Variants in MOB1B observed in about 807,000 individuals in gnomAD.
MOB1B encodes MOB1 Mps One Binder homolog B.
A neutral mutation model predicts 24.4 loss-of-function variants in MOB1B; 19 were observed. That is an observed-to-expected ratio of 0.78 (90% CI 0.54 to 1.14). The LOEUF (loss-of-function observed/expected upper bound fraction) is 1.14, where lower values mean the gene tolerates loss of function less well. Ranked by LOEUF, MOB1B falls within the 50% of genes most tolerant of loss-of-function variation. The probability of loss-of-function intolerance (pLI) is 0.00; values close to 1 mark genes in which losing one functional copy is unlikely to be tolerated. For synonymous variants in MOB1B, 76 were observed against 82.1 expected (o/e 0.93, Z 0.40); for missense variants, 243 against 259.6 (o/e 0.94, Z 0.44).
chr4:70,901,956 C>T (rs1010989983), upstream of MOB1B, among the ~76,000 whole-genome samples: 1 of 152,152 alleles, frequency 6.6e-6, no homozygotes, highest in Admixed American at 6.5e-5. Context: ...TACCTTTCAC[C>T]GCCCTTGGCC....
Position 70,987,089 on chromosome 4 carries a change from T to TAC in MOB1B, c.*5041_*5042dup, listed in dbSNP as rs906056810. 4.6e-5 allele frequency: 7 copies of TAC among 152,270 alleles called. No individual in the cohort carries two copies. Among genetic ancestry groups the TAC allele is most frequent in the African/African-American group, 1.2e-4 (5 of 41,582 alleles). 9.4% of individuals were successfully genotyped at this position (152,270 alleles called of 1,614,324 possible). ...GCTGTATGTTTTTCCACTGTGCGTG[T>TAC]ACACACACACTGGAAAATAATTAGG... On this transcript the variant is annotated 3_prime_UTR_variant, in exon 6 of 6. Coordinates refer to ENST00000309395, the MANE Select transcript of MOB1B (RefSeq NM_173468.4).
chr4:70,906,369 C>T (rs553012478), intron 1 of MOB1B, among the ~76,000 whole-genome samples: 6 of 151,880 alleles, frequency 4.0e-5, no homozygotes, highest in East Asian at 1.9e-4. Flanking sequence ...AGAGTGAGAC[C>T]GTCTCAAAAA....
intron 1 of MOB1B, among the ~76,000 whole-genome samples, chr4:70,955,593 C>G (rs1205197485): frequency 2.7e-5 from 4 of 150,662 alleles, no homozygotes; most frequent in Non-Finnish European, 5.9e-5. Context: ...GCCTCAGCCT[C>G]CAGAGTAGCT....
chr4:70,909,467 C>T (rs924354432), intron 1 of MOB1B, among the ~76,000 whole-genome samples: 2 of 152,030 alleles, frequency 1.3e-5, no homozygotes, highest in African/African-American at 2.4e-5. Flanking sequence ...TGTGCCAGTA[C>T]ACTCTAGCCT....
intron 1 of MOB1B, among the ~76,000 whole-genome samples, chr4:70,912,338 G>A (rs1578344307): frequency 1.3e-5 from 2 of 151,162 alleles, no homozygotes; most frequent in Non-Finnish European, 1.5e-5. Flanking sequence ...GGAGTGCAGT[G>A]GTGCGATCTC....
At chr4:70,904,051 C>T (rs1053845002) in intron 1 of MOB1B, among the ~76,000 whole-genome samples, 5 of 126,838 alleles carry the variant, frequency 3.9e-5, no homozygotes, top group Non-Finnish European at 7.8e-5. Context: ...GGCGTGATCT[C>T]GGCTCACTGC....
intron 4 of MOB1B, 142 bp downstream of exon 4, chr4:70,975,428 G>A (rs1016792589): frequency 1.5e-6 from 2 of 1,351,870 alleles, no homozygotes; most frequent in African/African-American, 3.0e-5. Context: ...CAGTTCCCAA[G>A]AAGAGGCACA....
chr4:70,958,756 C>T (rs1738173409), intron 1 of MOB1B, 118 bp from the exon 2 acceptor site: 1 of 977,818 alleles, frequency 1.0e-6, no homozygotes, highest in Non-Finnish European at 1.6e-6. Context: ...ACAGTAGTTA[C>T]AGCAATTCTA....
chr4:70,921,708 C>T (rs765215358), intron 1 of MOB1B, among the ~76,000 whole-genome samples: 19 of 152,018 alleles, frequency 1.2e-4, no homozygotes, highest in Non-Finnish European at 2.5e-4. Flanking sequence ...GGGGTTTCAC[C>T]GTGTTGGCCA....
chr4:70,917,447 T>G (rs1736238334), intron 1 of MOB1B, among the ~76,000 whole-genome samples: 1 of 152,238 alleles, frequency 6.6e-6, no homozygotes, highest in African/African-American at 2.4e-5. Flanking sequence ...CATCTTTTTC[T>G]TGGGAGAAAT....
At chr4:70,965,733 T>C (rs539198522) in intron 2 of MOB1B, among the ~76,000 whole-genome samples, 1,930 of 141,706 alleles carry the variant, frequency 0.014, 37 homozygotes, top group African/African-American at 0.05. Flanking sequence ...GGAGGCAGAG[T>C]TTGCAGCGAG....
chr4:70,949,508 TG>T (rs1737717096), intron 1 of MOB1B, among the ~76,000 whole-genome samples: 1 of 152,204 alleles, frequency 6.6e-6, no homozygotes, highest in South Asian at 2.1e-4. Flanking sequence ...TGGCAACATT[TG>T]GGGGAAATTG....
At chr4:70,933,459 A>T (rs1310561752) in intron 1 of MOB1B, among the ~76,000 whole-genome samples, 1 of 152,150 alleles carries the variant, frequency 6.6e-6, no homozygotes, top group East Asian at 1.9e-4. Context: ...AAACTTAAAA[A>T]ACTTTATTTT....
chr4:70,911,197 C>T (rs1235931289), intron 1 of MOB1B, among the ~76,000 whole-genome samples: 3 of 151,728 alleles, frequency 2.0e-5, no homozygotes, highest in Admixed American at 2.0e-4. Context: ...TTTTTTTTGC[C>T]AGAGAATAGA....
chr4:70,946,673 C>A (rs1406617778), intron 1 of MOB1B, among the ~76,000 whole-genome samples: 4 of 152,098 alleles, frequency 2.6e-5, no homozygotes, highest in Non-Finnish European at 4.4e-5. Context: ...AGGCAGATCT[C>A]AATCAATTAG....
intron 1 of MOB1B, among the ~76,000 whole-genome samples, chr4:70,923,763 C>G (rs1458685083): frequency 6.6e-6 from 1 of 151,666 alleles, no homozygotes; most frequent in African/African-American, 2.4e-5. Context: ...TCCTGGCTAA[C>G]TCGATGAAAC....
intron 1 of MOB1B, among the ~76,000 whole-genome samples, chr4:70,935,334 G>T (rs1423079340): frequency 1.3e-5 from 2 of 152,106 alleles, no homozygotes; most frequent in Non-Finnish European, 2.9e-5. Context: ...AATTCTCTAG[G>T]TTTCATACCA....
At chr4:70,902,302 C>T, upstream of MOB1B, 2 of 597,978 alleles carry the variant, frequency 3.3e-6, no homozygotes, top group Non-Finnish European at 6.0e-6. Flanking sequence ...GCCCCGCCTC[C>T]CTTTCCTTCC....
At chr4:70,966,828 A>C (rs922084600) in intron 2 of MOB1B, among the ~76,000 whole-genome samples, 1 of 151,994 alleles carries the variant, frequency 6.6e-6, no homozygotes, top group African/African-American at 2.4e-5. Context: ...AGCCTGGGCA[A>C]TAGAGTGAGA....
Sources: gnomAD v4.1 joint callset for allele counts (sites outside exome capture counted in the v4.1 genomes callset) on GRCh38, gnomAD v4.1.1 for gene constraint, MANE v1.5 for transcripts, NCBI Gene and HGNC (gene_info 2026-07-23, HGNC 2026-07-21) for gene names.